Variants in RPS6KC1 observed in about 807,000 individuals in gnomAD.
The protein encoded by RPS6KC1 is inactive ribosomal protein S6 kinase delta-1.
Under a neutral mutation model 103.8 loss-of-function variants are expected in RPS6KC1, and 54 were observed. The ratio of observed to expected loss-of-function variants is 0.52; its 90% CI spans 0.42 to 0.65. The LOEUF is 0.65. Among genes scored for constraint, RPS6KC1 ranks in the 30% least tolerant of loss-of-function variants. The pLI is 0.00. For synonymous variants in RPS6KC1, 439 were observed against 438.7 expected, an observed-to-expected ratio of 1.00 and a Z score of -0.01; for missense variants, 1,151 against 1,253.8, an observed-to-expected ratio of 0.92 and a Z score of 1.24.
the RPS6KC1 span, among the ~76,000 whole-genome samples, chr1:213,848,860 GC>G: frequency 1.3e-5 from 2 of 152,120 alleles, no homozygotes; most frequent in Non-Finnish European, 2.9e-5. Context: ...TCAAAGCAGA[GC>G]CCGAGGCAAA....
chr1:213,840,476 A>G, the RPS6KC1 span: 1 of 152,192 alleles, frequency 6.6e-6, no homozygotes, highest in African/African-American at 2.4e-5. Context: ...TAGTGCAGCA[A>G]AGTACCAGAA....
the RPS6KC1 span, among the ~76,000 whole-genome samples, chr1:213,646,635 G>T: frequency 1.2e-4 from 18 of 152,120 alleles, no homozygotes; most frequent in African/African-American, 3.4e-4. Flanking sequence ...ACTGTGGGAG[G>T]CAAGATGCAG....
chr1:213,660,321 G>A, the RPS6KC1 span, among the ~76,000 whole-genome samples: 1 of 152,220 alleles, frequency 6.6e-6, no homozygotes, highest in African/African-American at 2.4e-5. Context: ...TCCAGAAGCT[G>A]TAGGGGATTT....
At chr1:213,406,597 C>G in the RPS6KC1 span, among the ~76,000 whole-genome samples, 1 of 152,122 alleles carries the variant, frequency 6.6e-6, no homozygotes, top group African/African-American at 2.4e-5. Context: ...TTGGATTAAT[C>G]ACTTCCCTGA....
the RPS6KC1 span, among the ~76,000 whole-genome samples, chr1:213,556,230 T>G: frequency 6.6e-6 from 1 of 152,150 alleles, no homozygotes; most frequent in Non-Finnish European, 1.5e-5. Flanking sequence ...CCCTGTAATA[T>G]GTGGGGAGGA....
At chr1:213,611,819 C>CTGAAATGG in the RPS6KC1 span, among the ~76,000 whole-genome samples, 2 of 152,184 alleles carry the variant, frequency 1.3e-5, no homozygotes, top group Admixed American at 1.3e-4. Context: ...CTGAATCTCA[C>CTGAAATGG]TGAAATGGTG....
chr1:213,308,091 C>G, the RPS6KC1 span, among the ~76,000 whole-genome samples: 1 of 152,062 alleles, frequency 6.6e-6, no homozygotes, highest in Non-Finnish European at 1.5e-5. Flanking sequence ...GCAAGTGGAT[C>G]ATTTGAGGTC....
the RPS6KC1 span, among the ~76,000 whole-genome samples, chr1:213,484,259 T>G: frequency 6.6e-6 from 1 of 152,220 alleles, no homozygotes; most frequent in Non-Finnish European, 1.5e-5. Flanking sequence ...TATTATCTCC[T>G]TTGGGTCAGG....
At chr1:213,859,757 AGGGGTTGCTT>A in the RPS6KC1 span, among the ~76,000 whole-genome samples, 1 of 152,258 alleles carries the variant, frequency 6.6e-6, no homozygotes, top group East Asian at 1.9e-4. Context: ...TGGTGGAAAA[AGGGGTTGCTT>A]TTGCTTTTGG....
At chr1:213,192,810 A>C (rs533104516) in intron 8 of RPS6KC1, among the ~76,000 whole-genome samples, 2 of 151,406 alleles carry the variant, frequency 1.3e-5, no homozygotes, top group African/African-American at 4.8e-5. Context: ...TTTTTCTTTT[A>C]TTTTTGATGT....
the RPS6KC1 span, among the ~76,000 whole-genome samples, chr1:213,483,583 G>T: frequency 6.6e-6 from 1 of 152,138 alleles, no homozygotes; most frequent in Non-Finnish European, 1.5e-5. Context: ...TTTCAGTTTT[G>T]TATTCCCAAC....
chr1:213,762,738 A>C, the RPS6KC1 span, among the ~76,000 whole-genome samples: 2 of 152,190 alleles, frequency 1.3e-5, no homozygotes, highest in Non-Finnish European at 2.9e-5. Flanking sequence ...CAAGCTTATG[A>C]GCTGTGTGAG....
the RPS6KC1 span, among the ~76,000 whole-genome samples, chr1:213,723,397 G>A: frequency 1.3e-5 from 2 of 152,176 alleles, no homozygotes; most frequent in Non-Finnish European, 2.9e-5. Flanking sequence ...CTGAGATCAA[G>A]GTGTCAGCAG....
At chr1:213,628,659 T>C in the RPS6KC1 span, among the ~76,000 whole-genome samples, 1 of 152,216 alleles carries the variant, frequency 6.6e-6, no homozygotes, top group Non-Finnish European at 1.5e-5. Flanking sequence ...TCTCTAGTTC[T>C]TTTAATTGTG....
chr1:213,811,714 C>T, the RPS6KC1 span, among the ~76,000 whole-genome samples: 1 of 152,106 alleles, frequency 6.6e-6, no homozygotes, highest in African/African-American at 2.4e-5. Flanking sequence ...AGTTTTTCTG[C>T]CAAGTCGGGT....
chr1:213,431,655 A>ATGTGTGTG, the RPS6KC1 span, among the ~76,000 whole-genome samples: 905 of 141,614 alleles, frequency 6.4e-3, 4 homozygotes, highest in African/African-American at 0.016. Flanking sequence ...GTTTGTGTGT[A>ATGTGTGTG]TGTGTGTGTG....
the RPS6KC1 span, among the ~76,000 whole-genome samples, chr1:213,552,751 T>A: frequency 2.6e-5 from 4 of 152,206 alleles, no homozygotes; most frequent in Admixed American, 6.5e-5. Context: ...TTTATTTTTC[T>A]TAGTCACTTC....
intron 6 of RPS6KC1, among the ~76,000 whole-genome samples, chr1:213,159,077 T>C (rs928981435): frequency 3.3e-5 from 5 of 152,070 alleles, no homozygotes; most frequent in African/African-American, 1.2e-4. Flanking sequence ...TTTCAAGATA[T>C]ATGTTTGGTG....
At chr1:213,800,116 C>T in the RPS6KC1 span, among the ~76,000 whole-genome samples, 1 of 152,128 alleles carries the variant, frequency 6.6e-6, no homozygotes, top group Admixed American at 6.5e-5. Flanking sequence ...AATCCGAATA[C>T]CGTCACATAG....
Sources: gnomAD v4.1 joint callset for allele counts (sites outside exome capture counted in the v4.1 genomes callset) on GRCh38, gnomAD v4.1.1 for gene constraint, MANE v1.5 for transcripts, NCBI Gene and HGNC (gene_info 2026-07-23, HGNC 2026-07-21) for gene names.